The following ELAVL4 variants were observed in gnomAD, a reference collection of about 807,000 sequenced individuals.
The protein encoded by ELAVL4 is ELAV-like protein 4.
Under a neutral mutation model 35.6 loss-of-function variants are expected in ELAVL4, and 1 was observed. That is an observed-to-expected ratio of 0.03 (90% CI 0.01 to 0.13). The LOEUF (loss-of-function observed/expected upper bound fraction) is 0.13. Among genes scored for constraint, ELAVL4 ranks in the 10% least tolerant of loss-of-function variants. The probability of loss-of-function intolerance (pLI) is 1.00; values close to 1 mark genes in which losing one functional copy is unlikely to be tolerated. For missense variants in ELAVL4, 267 were observed against 464.9 expected, an observed-to-expected ratio of 0.57 and a Z score of 3.91; for synonymous variants, 156 against 171.0, an observed-to-expected ratio of 0.91 and a Z score of 0.69.
chr1:50,119,092 GAAAA>G (rs59825083), intron 1 of ELAVL4, among the ~76,000 whole-genome samples: 1 of 103,790 alleles, frequency 9.6e-6, no homozygotes, highest in Non-Finnish European at 2.0e-5. Flanking sequence ...AAGAAAGAAA[GAAAA>G]AGAAAAAGAT....
chr1:50,200,004 G>A (rs1053062064), intron 6 of ELAVL4, among the ~76,000 whole-genome samples: 8 of 152,176 alleles, frequency 5.3e-5, no homozygotes, highest in Non-Finnish European at 7.3e-5. Flanking sequence ...AATGTATAGC[G>A]ATTCAAGATA....
At chr1:50,053,750 A>G (rs1663516700) in intron 1 of ELAVL4, among the ~76,000 whole-genome samples, 1 of 152,246 alleles carries the variant, frequency 6.6e-6, no homozygotes, top group African/African-American at 2.4e-5. Context: ...CAAAGGAACA[A>G]GAGAAAGTAG....
chr1:50,066,021 A>G (rs1247938395), intron 1 of ELAVL4, among the ~76,000 whole-genome samples: 1 of 152,220 alleles, frequency 6.6e-6, no homozygotes, highest in Non-Finnish European at 1.5e-5. Context: ...AAAGCAGATG[A>G]CAAGACCAGC....
At chr1:50,088,126 A>C (rs1665331096) in intron 1 of ELAVL4, among the ~76,000 whole-genome samples, 1 of 152,142 alleles carries the variant, frequency 6.6e-6, no homozygotes, top group Non-Finnish European at 1.5e-5. Context: ...TTTAATTGTA[A>C]GGAATAGCTT....
At position 50,200,885 on chromosome 1, in the gene ELAVL4, C is replaced by T. The variant is rs764091821; in HGVS notation, c.808C>T (p.Leu270Phe). ...AATTACCATTGATGGAATGACAAGC[C>T]TTGTGGGAATGAACATCCCTGGTCA... is the stretch of plus-strand genomic sequence containing the variant. ...SPITIDGMTSLVGMNIPGHTG... is the reference protein window; with the variant it reads ...SPITIDGMTSFVGMNIPGHTG... The change falls in exon 7 of 7, where the codon CTT becomes TTT. Residue 270 changes from leucine to phenylalanine, a missense_variant. Transcript: ENST00000371824. The T allele has an allele frequency of 6.2e-7, 1 of 1,613,932 alleles. No homozygotes were observed. Among genetic ancestry groups the T allele is most frequent in the Admixed American group, 1.7e-5 (1 of 60,012 alleles).
At chr1:50,159,508 C>G (rs116684201) in intron 2 of ELAVL4, among the ~76,000 whole-genome samples, 9,627 of 151,964 alleles carry the variant, frequency 0.063, 414 homozygotes, top group Middle Eastern at 0.16. Flanking sequence ...ACTTGGGGGA[C>G]TGAGGCACGA....
chr1:50,193,622 T>A (rs545342592), intron 3 of ELAVL4, 143 bp from the exon 4 acceptor site: 2 of 1,002,602 alleles, frequency 2.0e-6, no homozygotes, highest in Admixed American at 3.0e-5. Context: ...CAAGGGTAGC[T>A]AAAAATCTGA....
chr1:50,149,291 G>A lies in ELAVL4; in HGVS notation c.250+4094G>A, dbSNP rs1484871790. On this transcript the variant is annotated intron_variant, in intron 2 of 6. Transcript: ENST00000371824. ...TGGGCGCCTGTAATCCCAGCTACTC[G>A]GGAGGCTGAGGCAGGAGAATTGCTT... Among the ~76,000 whole-genome samples the A allele has an allele frequency of 1.7e-4, 26 of 151,666 alleles. No homozygotes were observed. In the East Asian group the frequency reaches 1.8e-3, roughly 10 times the overall value.
intron 2 of ELAVL4, among the ~76,000 whole-genome samples, chr1:50,149,635 C>T (rs1225186667): frequency 6.6e-6 from 1 of 150,812 alleles, no homozygotes; most frequent in African/African-American, 2.4e-5. Flanking sequence ...CCTCCACCTC[C>T]TGGGTTCAAG....
chr1:50,160,427 T>C (rs2148754885), intron 2 of ELAVL4, among the ~76,000 whole-genome samples: 1 of 152,360 alleles, frequency 6.6e-6, no homozygotes, highest in East Asian at 1.9e-4. Context: ...CTTGTTTTTT[T>C]TCTTCTTCAT....
intron 1 of ELAVL4, among the ~76,000 whole-genome samples, chr1:50,087,667 AG>A (rs1441778149): frequency 1.3e-5 from 2 of 152,206 alleles, no homozygotes; most frequent in Non-Finnish European, 2.9e-5. Context: ...TAAGGCTTCT[AG>A]GGGGTAATTA....
At position 50,201,273 on chromosome 1, in the gene ELAVL4, A is replaced by C; in HGVS notation, c.*95A>C. On this transcript the variant is annotated 3_prime_UTR_variant, in exon 7 of 7. Transcript: ENST00000371824. The surrounding 1 kb of genome is among the most constrained non-coding windows in gnomAD (Gnocchi z 4.3). ...CACATACACGAAAGAGAGAGAAACA[A>C]ACTTTTCAAGGCTTATATTCAACCA... is the stretch of plus-strand genomic sequence containing the variant. 101 of 1,342,488 alleles carry C rather than the reference A, an allele frequency of 7.5e-5. No individual in the cohort carries two copies. The highest frequency in any genetic ancestry group is 9.4e-5 in the Non-Finnish European group (96 of 1,017,670). 83.2% of individuals were successfully genotyped at this position (1,342,488 alleles called of 1,614,324 possible).
chr1:50,104,001 GT>G (rs754269257), upstream of ELAVL4: 1 of 1,613,984 alleles, frequency 6.2e-7, no homozygotes, highest in Non-Finnish European at 8.5e-7. Flanking sequence ...TATGGAACAG[GT>G]CTGTTTAGCC....
intron 1 of ELAVL4, among the ~76,000 whole-genome samples, chr1:50,059,554 A>T (rs935151522): frequency 6.8e-5 from 10 of 147,478 alleles, no homozygotes; most frequent in South Asian, 2.1e-4. Context: ...GAGGTTTTTT[A>T]AAAAAAAAAA....
chr1:50,179,047 C>T (rs990753994), intron 3 of ELAVL4, among the ~76,000 whole-genome samples: 3 of 151,934 alleles, frequency 2.0e-5, no homozygotes, highest in African/African-American at 4.8e-5. Flanking sequence ...TCAGATGTAC[C>T]CCCTAGCCCA....
intron 1 of ELAVL4, among the ~76,000 whole-genome samples, chr1:50,139,788 G>A (rs1442487705): frequency 2.6e-5 from 4 of 152,094 alleles, no homozygotes; most frequent in Admixed American, 1.3e-4. Context: ...AGATATAAAC[G>A]ACCCTGGTGA....
intron 1 of ELAVL4, among the ~76,000 whole-genome samples, chr1:50,140,399 C>T (rs1298925879): frequency 6.6e-6 from 1 of 152,246 alleles, no homozygotes; most frequent in Non-Finnish European, 1.5e-5. Context: ...TACTCCTGTT[C>T]TGTCCCTCTG....
chr1:50,186,293 G>C (rs1483181313), intron 3 of ELAVL4, among the ~76,000 whole-genome samples: 1 of 152,178 alleles, frequency 6.6e-6, no homozygotes, highest in Non-Finnish European at 1.5e-5. Flanking sequence ...TCACTTGAGA[G>C]AGCATTTTTT....
intron 2 of ELAVL4, among the ~76,000 whole-genome samples, chr1:50,176,467 G>A (rs1680053951): frequency 6.6e-6 from 1 of 152,276 alleles, no homozygotes; most frequent in East Asian, 1.9e-4. Context: ...TGGCATGACC[G>A]AGGCAATAGA....
Sources: gnomAD v4.1 joint callset for allele counts (sites outside exome capture counted in the v4.1 genomes callset) on GRCh38, gnomAD v4.1.1 for gene constraint, Gnocchi (gnomAD v3.1) non-coding constraint, MANE v1.5 for transcripts, NCBI Gene and HGNC (gene_info 2026-07-23, HGNC 2026-07-21) for gene names.